The following CCDC82 variants were observed in gnomAD, a reference collection of about 807,000 sequenced individuals.
The protein encoded by CCDC82 is coiled-coil domain containing 82, also known as coiled-coil domain-containing protein 82.
CCDC82 carries 47 observed loss-of-function variants against 60.6 expected under a neutral mutation model. The ratio of observed to expected loss-of-function variants is 0.77; its 90% CI spans 0.61 to 0.99. The LOEUF (loss-of-function observed/expected upper bound fraction) is 0.99. CCDC82 is among the 50% of genes least tolerant of loss of function. CCDC82 has a pLI of 0.00. For missense variants in CCDC82, 588 were observed against 633.0 expected, an observed-to-expected ratio of 0.93 and a Z score of 0.76; for synonymous variants, 212 against 207.4, an observed-to-expected ratio of 1.02 and a Z score of -0.19.
chr11:96,373,403 T>A lies in CCDC82; in HGVS notation c.1056A>T (p.Leu352Phe), dbSNP rs764349024. 6 of 1,608,262 alleles carry A rather than the reference T, an allele frequency of 3.7e-6. No homozygotes were observed. The highest frequency in any genetic ancestry group is 5.1e-6 in the Non-Finnish European group (6 of 1,175,830). ...ATAATGTTCCCAGAAAAGATTCATCTAAAGCGTTGATCAGAAGAGCCTTCA... is the reference window on the plus strand; with the variant it reads ...ATAATGTTCCCAGAAAAGATTCATCAAAAGCGTTGATCAGAAGAGCCTTCA... ...RVVKALLINALDESFLGTLYD... is the reference protein window; with the variant it reads ...RVVKALLINAFDESFLGTLYD... Residue 352 changes from leucine (L) to phenylalanine (F), a missense_variant, in exon 6 of 10, where the codon TTA becomes TTT. Transcript: ENST00000646818.
chr11:96,375,090 CTG>C (rs1380513439), intron 5 of CCDC82, among the ~76,000 whole-genome samples: 1 of 152,104 alleles, frequency 6.6e-6, no homozygotes, highest in Non-Finnish European at 1.5e-5. Context: ...TCCATCTAAA[CTG>C]TATCTATAAA....
At chr11:96,356,410 T>C (rs568750446) in intron 9 of CCDC82, 1 of 982,596 alleles carries the variant, frequency 1.0e-6, no homozygotes, top group Admixed American at 6.1e-5. Flanking sequence ...TGTAACAGTT[T>C]TACACACAGT....
At chr11:96,380,123 G>A (rs56194534) in intron 5 of CCDC82, among the ~76,000 whole-genome samples, 153 of 151,822 alleles carry the variant, frequency 1.0e-3, no homozygotes, top group Non-Finnish European at 1.9e-3. Flanking sequence ...GCAATTAGGA[G>A]GGTATCAATA....
At chr11:96,361,614 T>C (rs1437664548) in intron 8 of CCDC82, among the ~76,000 whole-genome samples, 1 of 152,226 alleles carries the variant, frequency 6.6e-6, no homozygotes, top group Admixed American at 6.5e-5. Flanking sequence ...CCAAGTGAAC[T>C]TAACCCCTCA....
chr11:96,367,396 C>T (rs1209682073), intron 7 of CCDC82, among the ~76,000 whole-genome samples: 1 of 152,222 alleles, frequency 6.6e-6, no homozygotes, highest in Non-Finnish European at 1.5e-5. Flanking sequence ...CCACTGTTGT[C>T]ATTTCAACAA....
chr11:96,354,441 G>A (rs10831513), intron 9 of CCDC82: 27,707 of 152,194 alleles, frequency 0.18, 2,716 homozygotes, highest in East Asian at 0.31. Context: ...ACTGGTTAAA[G>A]AATTGAACAA....
intron 7 of CCDC82, among the ~76,000 whole-genome samples, chr11:96,367,932 T>C (rs994519920): frequency 6.6e-6 from 1 of 151,368 alleles, no homozygotes; most frequent in Non-Finnish European, 1.5e-5. Context: ...GCGATTCTCC[T>C]GTTTCAGCCT....
chr11:96,364,441 TTAA>T (rs1262687673), intron 8 of CCDC82: 6 of 152,130 alleles, frequency 3.9e-5, no homozygotes, highest in African/African-American at 1.4e-4. Context: ...TATTTCCATC[TTAA>T]TAATTGACTG....
At chr11:96,388,783 G>C (rs1054428766) in intron 1 of CCDC82, 1 of 152,192 alleles carries the variant, frequency 6.6e-6, no homozygotes, top group South Asian at 2.1e-4. Context: ...ATTCTACCAG[G>C]AGGGATCCAT....
Position 96,383,393 on chromosome 11 carries a change from A to G in CCDC82, c.867T>C (p.Asp289=), listed in dbSNP as rs1865984194. ...EEEDNYESDE[D]GDDYIIDDFV... The stretch of plus-strand genomic sequence containing the variant: ...AGTCATCGATAATATAATCATCTCC[A>G]TCTTCATCAGATTCATAATTATCCT... The change falls in exon 5 of 10, where the codon GAT becomes GAC. Residue 289 remains aspartate (D), a synonymous_variant. Coordinates refer to ENST00000646818, the MANE Select transcript of CCDC82 (RefSeq NM_024725.4). 1 of 1,600,322 alleles carries G rather than the reference A, an allele frequency of 6.2e-7. No homozygotes were observed. Among genetic ancestry groups the G allele is most frequent in the South Asian group, 1.1e-5 (1 of 90,282 alleles).
intron 6 of CCDC82, among the ~76,000 whole-genome samples, chr11:96,373,005 G>C (rs913179060): frequency 5.3e-5 from 8 of 152,012 alleles, no homozygotes; most frequent in African/African-American, 1.9e-4. Flanking sequence ...AAACAGCATG[G>C]ACAAAGGCAC....
intron 2 of CCDC82, 57 bp downstream of exon 2, chr11:96,387,473 A>G (rs1866260672): frequency 6.6e-6 from 1 of 152,166 alleles, no homozygotes; most frequent in Admixed American, 6.5e-5. Context: ...TAGAAGGAAG[A>G]TATCTATTTT....
At chr11:96,358,888 A>C in intron 9 of CCDC82, 105 bp downstream of exon 9, 3 of 1,093,228 alleles carry the variant, frequency 2.7e-6, no homozygotes, top group Admixed American at 2.5e-5. Flanking sequence ...GACAGAAGAA[A>C]GAGATTCTCT....
chr11:96,378,351 A>C lies in CCDC82; in HGVS notation c.992-4884T>G, dbSNP rs181742644. The stretch of plus-strand genomic sequence containing the variant: ...TAGCATTTTCTTGTTTCTTTTAATG[A>C]AACACTTTTCACAGTTATTTTCTTC... On this transcript the variant is annotated intron_variant, in intron 5 of 9. Transcript: ENST00000646818. Among the ~76,000 whole-genome samples, 34 of 152,152 alleles carry C rather than the reference A, an allele frequency of 2.2e-4. No individual in the cohort carries two copies. The East Asian group carries it at 6.5e-3, about 29-fold the overall frequency.
At chr11:96,369,259 T>C (rs767583941) in intron 7 of CCDC82, among the ~76,000 whole-genome samples, 2 of 152,220 alleles carry the variant, frequency 1.3e-5, no homozygotes, top group Non-Finnish European at 2.9e-5. Flanking sequence ...TTATGTATTA[T>C]TTTTAATTTC....
intron 5 of CCDC82, among the ~76,000 whole-genome samples, chr11:96,374,996 A>G (rs1267076590): frequency 6.6e-6 from 1 of 150,618 alleles, no homozygotes; most frequent in African/African-American, 2.5e-5. Context: ...AAAAAAAAAG[A>G]AATAATACTT....
Position 96,353,654 on chromosome 11 carries a change from C to G in CCDC82, c.1627G>C (p.Glu543Gln). The change falls in exon 10 of 10, where the codon GAG becomes CAG. Residue 543 changes from glutamate (E) to glutamine (Q), a missense_variant. Glu to Gln is a conservative substitution (Grantham distance 29). Coordinates refer to ENST00000646818, the MANE Select transcript of CCDC82 (RefSeq NM_024725.4). ...FADYFQEEKFEL is the reference protein window; with the variant it reads ...FADYFQEEKFQL ...TCTCTGATGGAAATGTGTTACAACTCAAACTTCTCTTCTTGAAAGTAATCC... is the reference window on the plus strand; with the variant it reads ...TCTCTGATGGAAATGTGTTACAACTGAAACTTCTCTTCTTGAAAGTAATCC... The G allele has an allele frequency of 1.2e-6, 2 of 1,608,410 alleles. No homozygotes were observed. Among genetic ancestry groups the G allele is most frequent in the Non-Finnish European group, 1.7e-6 (2 of 1,176,366 alleles).
rs1343088851 is a variant in CCDC82, at chr11:96,387,260, T to A, written c.-55+270A>T. ...TTATTAGTACCCAAAAGCAAATTCA[T>A]ATACACTAGATGATTATCTTACAAA... On this transcript the variant is annotated intron_variant, in intron 2 of 9. Coordinates refer to ENST00000646818, the MANE Select transcript of CCDC82 (RefSeq NM_024725.4). 4 of 152,336 alleles carry A rather than the reference T, an allele frequency of 2.6e-5. No homozygotes were observed. In the East Asian group the frequency reaches 7.7e-4, roughly 29 times the overall value. The allele number at this position is 152,336 out of a possible 1,614,324, so 9.4% of individuals were successfully genotyped here.
chr11:96,366,222 G>A (rs942358370), intron 7 of CCDC82, among the ~76,000 whole-genome samples: 1 of 152,116 alleles, frequency 6.6e-6, no homozygotes, highest in Non-Finnish European at 1.5e-5. Context: ...GACTAACACT[G>A]GATATATAAG....
Sources: gnomAD v4.1 joint callset for allele counts (sites outside exome capture counted in the v4.1 genomes callset) on GRCh38, gnomAD v4.1.1 for gene constraint, MANE v1.5 for transcripts, NCBI Gene and HGNC (gene_info 2026-07-23, HGNC 2026-07-21) for gene names.